RECQL5: variants seen among roughly 807,000 people sequenced by gnomAD.
RECQL5 encodes RecQ like helicase 5, also known as ATP-dependent DNA helicase Q5.
RECQL5 carries 88 observed loss-of-function variants against 103.4 expected under a neutral mutation model. That is an observed-to-expected ratio of 0.85 (90% confidence interval 0.72 to 1.02). RECQL5 has a LOEUF of 1.02. Among genes scored for constraint, RECQL5 ranks in the 50% least tolerant of loss-of-function variants. The pLI is 0.00. For missense variants in RECQL5, 1,232 were observed against 1,284.3 expected (o/e 0.96, Z 0.62); for synonymous variants, 552 against 507.9 (o/e 1.09, Z -1.17).
At chr17:75,666,654 G>A (rs2059788283) in intron 1 of RECQL5, 83 bp from the exon 2 acceptor site, 1 of 1,365,830 alleles carries the variant, frequency 7.3e-7, no homozygotes, top group Non-Finnish European at 1.0e-6. Context: ...TTATTTTTCT[G>A]TAACAATTTG....
chr17:75,630,887 T>C (rs1474114190), intron 11 of RECQL5, 50 bp from the exon 12 acceptor site: 4 of 1,551,554 alleles, frequency 2.6e-6, no homozygotes, highest in South Asian at 2.3e-5. Flanking sequence ...CCTTCTGCGC[T>C]CTGAGGTCCC....
rs1037638731 is a variant in RECQL5 at position 75,634,161 on chromosome 17, G to A, written c.1230-2493C>T. 24 of 985,494 alleles carry A rather than the reference G, an allele frequency of 2.4e-5. No homozygotes were observed. The South Asian group carries it at 7.0e-4, about 29-fold the overall frequency. The allele number at this position is 985,494 out of a possible 1,614,324, so 61.0% of individuals were successfully genotyped here. ...CGAGGACAGCACGTGGAGGCTCCGC[G>A]CTGGGGCACTGCTGCTCAGCCCCCA... On this transcript the variant is annotated intron_variant, in intron 8 of 19. Coordinates refer to ENST00000317905, the MANE Select transcript of RECQL5 (RefSeq NM_004259.7).
chr17:75,663,013 GA>G lies in RECQL5; in HGVS notation c.253-17del. 6.4e-7 allele frequency: 1 copy of G among 1,569,950 alleles called. No individual in the cohort carries two copies. Among genetic ancestry groups the G allele is most frequent in the South Asian group, 1.2e-5 (1 of 83,050 alleles). On this transcript the variant is annotated splice_polypyrimidine_tract_variant and intron_variant, in intron 3 of 19. Coordinates refer to ENST00000317905, the MANE Select transcript of RECQL5 (RefSeq NM_004259.7). ...CCACTTGGTCCTAAGAGAAGAGAAA[GA>G]GGCTGTAACTGGCCCTCAGGACTCA...
At position 75,662,691 on chromosome 17, in the gene RECQL5, G is replaced by C; in HGVS notation, c.559C>G (p.Pro187Ala). ...GCTGTGGCGGTCAGAGCCACACAAG[G>C]GGCATGTCCCAGGCGGGAGCGCAGG... ...GALRSRLGHA[P>A]CVALTATATP... Residue 187 changes from proline (P) to alanine (A), a missense_variant, in exon 4 of 20, where the codon CCT (proline) becomes GCT (alanine). Transcript: ENST00000317905. The C allele has an allele frequency of 1.2e-6, 2 of 1,614,094 alleles. No individual in the cohort carries two copies. The highest frequency in any genetic ancestry group is 1.7e-6 in the Non-Finnish European group (2 of 1,180,038).
chr17:75,658,357 AGTAATAGAGAC>A lies in RECQL5; in HGVS notation c.1079_1089del (p.Arg360LeufsTer4). On this transcript the variant is annotated frameshift_variant, in exon 7 of 20. Coordinates refer to ENST00000317905, the MANE Select transcript of RECQL5 (RefSeq NM_004259.7). LOFTEE classifies it high-confidence loss of function. ...CTGACTTGGTCCCGGTCATTCCTGG[AGTAATAGAGAC>A]GGCACCAGGAAGGCTTCCCATCCCT... The A allele has an allele frequency of 6.2e-7, 1 of 1,614,012 alleles. No individual in the cohort carries two copies. The highest frequency in any genetic ancestry group is 8.5e-7 in the Non-Finnish European group (1 of 1,179,968).
intron 4 of RECQL5, 24 bp downstream of exon 4, chr17:75,662,455 T>C (rs766357722): frequency 1.9e-6 from 3 of 1,604,656 alleles, no homozygotes; most frequent in Non-Finnish European, 1.7e-6. Flanking sequence ...TAACAGCTGC[T>C]TGGCCTCCAC....
At chr17:75,658,577 TC>T (rs757684540) in intron 6 of RECQL5, 117 bp from the exon 7 acceptor site, 82 of 919,984 alleles carry the variant, frequency 8.9e-5, no homozygotes, top group Non-Finnish European at 1.4e-4. Flanking sequence ...AGAGGGATAG[TC>T]CCAGAGTTAG....
chr17:75,633,544 C>T, intron 8 of RECQL5: 1 of 1,283,756 alleles, frequency 7.8e-7, no homozygotes, highest in Non-Finnish European at 1.0e-6. Flanking sequence ...AAGACGCCTT[C>T]AGATGCTGAG....
intron 2 of RECQL5, among the ~76,000 whole-genome samples, chr17:75,665,622 G>A (rs1319517588): frequency 2.0e-5 from 3 of 151,496 alleles, no homozygotes; most frequent in Admixed American, 1.3e-4. Context: ...CCCAGGAGGC[G>A]GAGGTTGCAG....
chr17:75,628,360 G>C lies in RECQL5; in HGVS notation c.2663C>G (p.Ser888Trp). Residue 888 changes from serine to tryptophan, a missense_variant, in exon 18 of 20, where the codon TCG becomes TGG. By Grantham distance (177) the Ser-to-Trp change is radical (BLOSUM62 -3). Transcript: ENST00000317905. ...ATTCAAGGTGCCCTGTTCGCTGGCCGAGACGCTGCCCTTGACCTCAGCTAC... is the reference window on the plus strand; with the variant it reads ...ATTCAAGGTGCCCTGTTCGCTGGCCCAGACGCTGCCCTTGACCTCAGCTAC... ...SVVAEVKGSV[S>W]ASEQGTLNPT... 6.2e-7 allele frequency: 1 copy of C among 1,614,088 alleles called. No homozygotes were observed. The highest frequency in any genetic ancestry group is 8.5e-7 in the Non-Finnish European group (1 of 1,180,036).
Position 75,662,662 on chromosome 17 carries a change from G to C in RECQL5, c.588C>G (p.Thr196=). 1 of 1,614,158 alleles carries C rather than the reference G, an allele frequency of 6.2e-7. No individual in the cohort carries two copies. Among genetic ancestry groups the C allele is most frequent in the Non-Finnish European group, 8.5e-7 (1 of 1,180,034 alleles). Residue 196 remains threonine, a synonymous_variant, in exon 4 of 20, where the codon ACC becomes ACG. Transcript: ENST00000317905. Reference sequence around the variant, plus strand: ...CAAACACGTCCTCTTGGACCTGTGGGGTGGCTGTGGCGGTCAGAGCCACAC... The same window carrying C: ...CAAACACGTCCTCTTGGACCTGTGGCGTGGCTGTGGCGGTCAGAGCCACAC... ...APCVALTATA[T]PQVQEDVFAA...
At position 75,661,000 on chromosome 17, in the gene RECQL5, A is replaced by G. The variant is rs1424794897; in HGVS notation, c.941T>C (p.Val314Ala). 1.2e-6 allele frequency: 2 copies of G among 1,614,226 alleles called. No individual in the cohort carries two copies. Among genetic ancestry groups the G allele is most frequent in the East Asian group, 2.2e-5 (1 of 44,888 alleles). The change falls in exon 6 of 20, where the codon GTT becomes GCT. Residue 314 changes from valine (V) to alanine (A), a missense_variant. By Grantham distance (64) the Val-to-Ala change is moderately conservative. Transcript: ENST00000317905. ...TCCCATCCCAAAACTAATGGTTGCAACAATTACAGGGACCTTCTCCTCCAT... is the reference window on the plus strand; with the variant it reads ...TCCCATCCCAAAACTAATGGTTGCAGCAATTACAGGGACCTTCTCCTCCAT... Reference protein sequence around the residue: ...DWMEEKVPVIVATISFGMGVD... With the variant: ...DWMEEKVPVIAATISFGMGVD...
chr17:75,650,344 AAC>A (rs1416518159), intron 8 of RECQL5: 2 of 1,092,276 alleles, frequency 1.8e-6, no homozygotes, highest in Non-Finnish European at 2.2e-6. Context: ...TGGAAATAAA[AAC>A]ACACAGCCCA....
intron 8 of RECQL5, among the ~76,000 whole-genome samples, chr17:75,643,047 G>A (rs529817920): frequency 9.2e-5 from 14 of 152,240 alleles, no homozygotes; most frequent in African/African-American, 2.4e-5. Flanking sequence ...AGGACTGGGT[G>A]GGACCCAACA....
intron 2 of RECQL5, 60 bp downstream of exon 2, chr17:75,666,368 T>C (rs755836546): frequency 6.3e-7 from 1 of 1,586,958 alleles, no homozygotes; most frequent in Non-Finnish European, 8.6e-7. Flanking sequence ...GAGGGTGTTC[T>C]GCCGCAGCGT....
At position 75,628,329 on chromosome 17, in the gene RECQL5, C is replaced by T. The variant is rs767370090; in HGVS notation, c.2694G>A (p.Thr898=). 17 of 1,613,984 alleles carry T rather than the reference C, an allele frequency of 1.1e-5. No homozygotes were observed. In the East Asian group the frequency reaches 1.1e-4, roughly 11 times the overall value. ...CGGAGAGCTGGAAGGGGTCTTGAGC[C>T]GTGGGATTCAAGGTGCCCTGTTCGC... The part of the protein sequence containing the change: ...SASEQGTLNP[T]AQDPFQLSAP... The change falls in exon 18 of 20, where the codon ACG becomes ACA. Residue 898 remains threonine, a synonymous_variant. Transcript: ENST00000317905.
rs779340422 is a variant in RECQL5, at chr17:75,630,688, C to G, written c.1649G>C (p.Arg550Pro). ...CTCCAGAAGCCGCAGGCAGTGCTCC[C>G]GTGCCTGGCACAGGACAGTGAGACT... ...RRIPRLTVKA[R>P]EHCLRLLEEA... The change falls in exon 13 of 20, where the codon CGG (arginine) becomes CCG (proline). Residue 550 changes from arginine to proline, a missense_variant. Transcript: ENST00000317905. 1 of 1,613,512 alleles carries G rather than the reference C, an allele frequency of 6.2e-7. No individual in the cohort carries two copies. Among genetic ancestry groups the G allele is most frequent in the Admixed American group, 1.7e-5 (1 of 60,008 alleles).
chr17:75,647,567 C>G, intron 8 of RECQL5: 1 of 1,549,862 alleles, frequency 6.5e-7, no homozygotes, highest in African/African-American at 1.4e-5. Context: ...GAGGAGTGAC[C>G]TGACTTGCTG....
chr17:75,650,741 T>C (rs1568277184), intron 8 of RECQL5: 2 of 1,608,856 alleles, frequency 1.2e-6, no homozygotes, highest in Non-Finnish European at 1.7e-6. Context: ...GTAAAACAGA[T>C]GCGTGAGTTC....
Sources: allele counts gnomAD v4.1 joint callset (sites outside exome capture counted in the v4.1 genomes callset), GRCh38; gene constraint gnomAD v4.1.1; transcripts MANE v1.5; gene names NCBI Gene and HGNC (gene_info 2026-07-23, HGNC 2026-07-21).